The following SCN8A variants were observed in gnomAD, a reference collection of about 807,000 sequenced individuals.
The protein encoded by SCN8A is sodium voltage-gated channel alpha subunit 8.
In SCN8A, 30 loss-of-function variants were observed where a neutral mutation model predicts 184.1. The ratio of observed to expected loss-of-function variants is 0.16; its 90% CI spans 0.12 to 0.22. The LOEUF is 0.22. SCN8A is among the 10% of genes least tolerant of loss of function. SCN8A has a pLI of 1.00. For missense variants in SCN8A, 1,057 were observed against 2,498.9 expected (o/e 0.42, Z 12.30); for synonymous variants, 852 against 907.0 (o/e 0.94, Z 1.09).
At chr12:51,711,221 T>A (rs989576006) in intron 11 of SCN8A, among the ~76,000 whole-genome samples, 4 of 152,264 alleles carry the variant, frequency 2.6e-5, no homozygotes, top group African/African-American at 9.6e-5. Context: ...CTGATTATTC[T>A]ATAGGCTTTA....
At chr12:51,620,442 AG>A in intron 1 of SCN8A, among the ~76,000 whole-genome samples, 1 of 152,308 alleles carries the variant, frequency 6.6e-6, no homozygotes, top group Non-Finnish European at 1.5e-5. Flanking sequence ...GTAATAAAAC[AG>A]GTTTTGGTAG....
At chr12:51,616,705 A>G (rs1197608834) in intron 1 of SCN8A, among the ~76,000 whole-genome samples, 2 of 151,996 alleles carry the variant, frequency 1.3e-5, no homozygotes, top group African/African-American at 4.8e-5. Context: ...GGACTGCCTG[A>G]GCCCAGGAGT....
At chr12:51,597,204 G>A (rs1262248397) in intron 1 of SCN8A, among the ~76,000 whole-genome samples, 1 of 152,128 alleles carries the variant, frequency 6.6e-6, no homozygotes, top group Non-Finnish European at 1.5e-5. Flanking sequence ...GGAGTTGATT[G>A]GGGTGGGTTG....
chr12:51,718,897 A>G (rs973395743), intron 11 of SCN8A, among the ~76,000 whole-genome samples: 18 of 152,220 alleles, frequency 1.2e-4, no homozygotes, highest in African/African-American at 4.1e-4. Context: ...AAATCAAGAA[A>G]GGGAATGTGT....
In SCN8A at chr12:51,751,975, T is replaced by C. The variant is rs375438507; in HGVS notation, c.2370+382T>C. Among the ~76,000 whole-genome samples, 15 of 152,232 alleles carry C rather than the reference T, an allele frequency of 9.9e-5. No individual in the cohort carries two copies. In the East Asian group the frequency reaches 2.9e-3, roughly 29 times the overall value. ...AGTTCCCCTTTCACCTTAAGTAACATCTACCACAAAATAGGGGAGCTCTTA... is the reference window on the plus strand; with the variant it reads ...AGTTCCCCTTTCACCTTAAGTAACACCTACCACAAAATAGGGGAGCTCTTA... On this transcript the variant is annotated intron_variant, in intron 14 of 26. Transcript: ENST00000627620.
intron 1 of SCN8A, among the ~76,000 whole-genome samples, chr12:51,592,145 C>G (rs1947833153): frequency 6.7e-6 from 1 of 149,946 alleles, no homozygotes; most frequent in Admixed American, 6.7e-5. Flanking sequence ...GCACCCTTGG[C>G]TTCTTGTTAG....
At chr12:51,740,184 A>T (rs911783722) in intron 12 of SCN8A, among the ~76,000 whole-genome samples, 1 of 152,228 alleles carries the variant, frequency 6.6e-6, no homozygotes, top group Non-Finnish European at 1.5e-5. Context: ...TAGGGCCATT[A>T]TGAACATGTT....
At chr12:51,703,302 G>T (rs540506300) in intron 9 of SCN8A, among the ~76,000 whole-genome samples, 1 of 152,036 alleles carries the variant, frequency 6.6e-6, no homozygotes, top group South Asian at 2.1e-4. Context: ...CACCACACCT[G>T]GCTATAATAT....
At chr12:51,745,338 G>A (rs1942492628) in intron 12 of SCN8A, among the ~76,000 whole-genome samples, 1 of 152,136 alleles carries the variant, frequency 6.6e-6, no homozygotes, top group Non-Finnish European at 1.5e-5. Flanking sequence ...TAGGAGATCT[G>A]GAGCAGATCT....
intron 1 of SCN8A, among the ~76,000 whole-genome samples, chr12:51,657,853 G>A (rs1268711137): frequency 2.6e-5 from 4 of 151,784 alleles, no homozygotes; most frequent in African/African-American, 4.8e-5. Context: ...CAGTTTTCCC[G>A]GCACCATTTA....
At chr12:51,705,766 C>A in intron 10 of SCN8A, 143 bp downstream of exon 10, 1 of 724,074 alleles carries the variant, frequency 1.4e-6, no homozygotes, top group Non-Finnish European at 2.2e-6. Flanking sequence ...CAAGTAACAA[C>A]TGCAGATGGT....
Position 51,810,486 on chromosome 12 carries a change from C to T in SCN8A, c.*3057C>T. ...ATGCTTTGCCAAATATTAACGAAGC[C>T]AATCAAAGAGCAGCGCAGCCACAGT... On this transcript the variant is annotated 3_prime_UTR_variant, in exon 27 of 27. Coordinates refer to ENST00000627620, the MANE Select transcript of SCN8A (RefSeq NM_001330260.2). 2.3e-6 allele frequency: 1 copy of T among 439,232 alleles called. No individual in the cohort carries two copies. Among genetic ancestry groups the T allele is most frequent in the South Asian group, 1.6e-5 (1 of 61,906 alleles). 27.2% of individuals were successfully genotyped at this position (439,232 alleles called of 1,614,324 possible).
intron 14 of SCN8A, among the ~76,000 whole-genome samples, chr12:51,761,316 A>G (rs968783836): frequency 2.0e-5 from 3 of 152,164 alleles, no homozygotes; most frequent in Non-Finnish European, 4.4e-5. Context: ...ACACACAATA[A>G]GCTACAAATC....
At chr12:51,684,316 G>A (rs755132121) in intron 3 of SCN8A, 24 bp downstream of exon 3, 1 of 1,103,736 alleles carries the variant, frequency 9.1e-7, no homozygotes, top group South Asian at 1.2e-5. Flanking sequence ...CAAATGTGGA[G>A]TGAGTGCGGC....
At chr12:51,675,298 G>A (rs926433177) in intron 2 of SCN8A, among the ~76,000 whole-genome samples, 3 of 152,160 alleles carry the variant, frequency 2.0e-5, no homozygotes, top group Admixed American at 1.3e-4. Flanking sequence ...GAGCAGGAAG[G>A]GTGGCAGCTA....
intron 16 of SCN8A, among the ~76,000 whole-genome samples, chr12:51,768,393 A>T (rs1942869690): frequency 6.6e-6 from 1 of 152,184 alleles, no homozygotes; most frequent in African/African-American, 2.4e-5. Context: ...AGTGTATTTC[A>T]GTTCTACCTT....
intron 6 of SCN8A, among the ~76,000 whole-genome samples, chr12:51,692,619 A>G (rs1223950011): frequency 3.9e-5 from 6 of 152,234 alleles, no homozygotes; most frequent in Non-Finnish European, 7.3e-5. Context: ...GGAATTTGTC[A>G]GGTTCACCTT....
intron 1 of SCN8A, among the ~76,000 whole-genome samples, chr12:51,633,400 G>T (rs1346052057): frequency 6.6e-6 from 1 of 152,206 alleles, no homozygotes; most frequent in African/African-American, 2.4e-5. Flanking sequence ...AATAAAAAAT[G>T]TCAGTTTCTT....
intron 6 of SCN8A, among the ~76,000 whole-genome samples, chr12:51,693,060 G>C (rs1389056816): frequency 2.0e-5 from 3 of 152,138 alleles, no homozygotes; most frequent in Admixed American, 2.0e-4. Flanking sequence ...CTCCTAACCA[G>C]TGGGATCAGA....
Sources: gnomAD v4.1 joint callset for allele counts (sites outside exome capture counted in the v4.1 genomes callset) on GRCh38, gnomAD v4.1.1 for gene constraint, MANE v1.5 for transcripts, NCBI Gene and HGNC (gene_info 2026-07-23, HGNC 2026-07-21) for gene names.